SDK1: variants seen among roughly 807,000 people sequenced by gnomAD.
SDK1 encodes sidekick cell adhesion molecule 1.
In SDK1, 157 loss-of-function variants were observed where a neutral mutation model predicts 245.5. That is an observed-to-expected ratio of 0.64 (90% confidence interval 0.56 to 0.73). The LOEUF (loss-of-function observed/expected upper bound fraction) is 0.73. Among genes scored for constraint, SDK1 ranks in the 30% least tolerant of loss-of-function variants. SDK1 has a pLI of 0.00. For missense variants in SDK1, 3,583 were observed against 3,002.3 expected, an observed-to-expected ratio of 1.19 and a Z score of -4.52; for synonymous variants, 1,647 against 1,278.5, an observed-to-expected ratio of 1.29 and a Z score of -6.15.
At chr7:4,252,871 G>T (rs1787403344) in intron 44 of SDK1, among the ~76,000 whole-genome samples, 1 of 140,674 alleles carries the variant, frequency 7.1e-6, no homozygotes, top group African/African-American at 2.6e-5. Context: ...ACTCATTTGT[G>T]TCTTTCTAAG....
chr7:3,606,535 C>G (rs1449408681), intron 1 of SDK1, among the ~76,000 whole-genome samples: 2 of 152,302 alleles, frequency 1.3e-5, no homozygotes, highest in African/African-American at 4.8e-5. Context: ...CCCGCACTCA[C>G]TGCACTTCAT....
intron 1 of SDK1, among the ~76,000 whole-genome samples, chr7:3,383,380 C>T (rs73050568): frequency 0.14 from 21,448 of 152,086 alleles, 1,993 homozygotes; most frequent in African/African-American, 0.27. Context: ...CACTGCACTC[C>T]AGCCTGGGTG....
At chr7:3,333,932 T>G (rs1282021257) in intron 1 of SDK1, among the ~76,000 whole-genome samples, 1 of 152,188 alleles carries the variant, frequency 6.6e-6, no homozygotes, top group Non-Finnish European at 1.5e-5. Flanking sequence ...GGGCTGCTGA[T>G]TTGGCTGTTG....
chr7:3,704,439 C>A (rs1269985528), intron 4 of SDK1, among the ~76,000 whole-genome samples: 1 of 151,376 alleles, frequency 6.6e-6, no homozygotes, highest in Non-Finnish European at 1.5e-5. Context: ...TTTTAATTTG[C>A]ATTTCCCTGA....
chr7:4,090,973 C>G (rs1272791643), intron 22 of SDK1, among the ~76,000 whole-genome samples: 2 of 152,164 alleles, frequency 1.3e-5, no homozygotes, highest in Non-Finnish European at 2.9e-5. Context: ...GAATTCCACT[C>G]TATGTGGCCA....
At chr7:3,840,192 C>G (rs1780122431) in intron 5 of SDK1, among the ~76,000 whole-genome samples, 3 of 151,970 alleles carry the variant, frequency 2.0e-5, no homozygotes, top group Admixed American at 2.0e-4. Flanking sequence ...AGGCCATGTT[C>G]AGTGAAAGTG....
At chr7:3,926,501 C>G (rs1306403066) in intron 5 of SDK1, among the ~76,000 whole-genome samples, 3 of 152,150 alleles carry the variant, frequency 2.0e-5, no homozygotes, top group African/African-American at 7.2e-5. Context: ...CGCTCTTTCA[C>G]CCAGTCTGGA....
At chr7:3,781,150 C>A (rs921840884) in intron 4 of SDK1, among the ~76,000 whole-genome samples, 2 of 152,084 alleles carry the variant, frequency 1.3e-5, no homozygotes, top group Non-Finnish European at 2.9e-5. Flanking sequence ...CTGCTTGTCC[C>A]AAGCAATGAC....
intron 22 of SDK1, among the ~76,000 whole-genome samples, chr7:4,099,362 G>C (rs999127697): frequency 6.8e-6 from 1 of 147,884 alleles, no homozygotes; most frequent in Non-Finnish European, 1.5e-5. Flanking sequence ...AGAAGCACCG[G>C]GTGGGTCAGG....
Position 3,335,966 on chromosome 7 carries a change from G to C in SDK1, c.298+34082G>C, listed in dbSNP as rs117323511. Among the ~76,000 whole-genome samples, 634 of 152,250 alleles carry C rather than the reference G, an allele frequency of 4.2e-3. 7 individuals are homozygous for C. Among genetic ancestry groups the C allele is most frequent in the South Asian group, 0.018 (86 of 4,820 alleles). ...GGCCACTCTAGAGTCCTGGGGACTT[G>C]AGAAATGACAAGGGTGTCAGTTCCC... On this transcript the variant is annotated intron_variant, in intron 1 of 44. Transcript: ENST00000404826.
intron 1 of SDK1, among the ~76,000 whole-genome samples, chr7:3,421,958 C>G (rs1436284911): frequency 6.6e-6 from 1 of 152,002 alleles, no homozygotes; most frequent in African/African-American, 2.4e-5. Flanking sequence ...TAGCTTCAGT[C>G]CAGGAGTTGT....
chr7:3,947,096 C>G lies in SDK1; in HGVS notation c.848-3827C>G, dbSNP rs184483711. On this transcript the variant is annotated intron_variant, in intron 5 of 44. Transcript: ENST00000404826. ...CATCCTTCTCAAAATATAGTCCAAA[C>G]AGTATGTGTAGGCCTTTTGTTATTT... 8.0e-4 allele frequency among the ~76,000 whole-genome samples: 122 copies of G among 152,268 alleles called. 1 individual carries two copies. The highest frequency in any genetic ancestry group is 2.9e-3 in the African/African-American group (119 of 41,552).
At chr7:4,129,864 G>A in intron 26 of SDK1, 44 bp from the exon 27 acceptor site, 1 of 1,608,670 alleles carries the variant, frequency 6.2e-7, no homozygotes, top group Non-Finnish European at 8.5e-7. Flanking sequence ...GGTCCCTCCT[G>A]GCACCCGCCT....
chr7:4,153,503 T>C (rs1036590152), intron 30 of SDK1, among the ~76,000 whole-genome samples: 1 of 152,204 alleles, frequency 6.6e-6, no homozygotes, highest in African/African-American at 2.4e-5. Flanking sequence ...GGAGAATTGC[T>C]TGAACCTGAG....
intron 35 of SDK1, chr7:4,179,004 C>G (rs560804681): frequency 4.1e-5 from 7 of 169,746 alleles, no homozygotes; most frequent in African/African-American, 7.2e-5. Flanking sequence ...TTCTCTAGGT[C>G]TGGGAGAGCC....
chr7:4,146,314 T>G (rs981309426), intron 29 of SDK1, among the ~76,000 whole-genome samples: 18 of 149,722 alleles, frequency 1.2e-4, no homozygotes, highest in Non-Finnish European at 2.5e-4. Flanking sequence ...TGACACACTT[T>G]CAGCCTCACA....
chr7:3,526,796 C>T (rs552249811), intron 1 of SDK1, among the ~76,000 whole-genome samples: 4 of 152,222 alleles, frequency 2.6e-5, no homozygotes, highest in South Asian at 4.2e-4. Context: ...GTTTTCATTC[C>T]TGATGCATAT....
At chr7:4,108,342 C>A (rs1250339988) in intron 22 of SDK1, among the ~76,000 whole-genome samples, 1 of 152,098 alleles carries the variant, frequency 6.6e-6, no homozygotes, top group African/African-American at 2.4e-5. Context: ...TTAATCTATC[C>A]ACATAACTCT....
At chr7:3,413,648 A>G (rs929713672) in intron 1 of SDK1, among the ~76,000 whole-genome samples, 1 of 152,062 alleles carries the variant, frequency 6.6e-6, no homozygotes, top group Non-Finnish European at 1.5e-5. Flanking sequence ...CTGAGATCAC[A>G]CCACTGCACT....
Sources: allele counts gnomAD v4.1 joint callset (sites outside exome capture counted in the v4.1 genomes callset), GRCh38; gene constraint gnomAD v4.1.1; transcripts MANE v1.5; gene names NCBI Gene and HGNC (gene_info 2026-07-23, HGNC 2026-07-21).